The following PTGR2 variants were observed in gnomAD, a reference collection of about 807,000 sequenced individuals.
The protein encoded by PTGR2 is prostaglandin reductase 2, also known as 15-oxoprostaglandin 13-reductase.
PTGR2 carries 32 observed loss-of-function variants against 43.4 expected under a neutral mutation model. The observed-to-expected ratio is 0.74, with a 90% CI of 0.56 to 0.99. PTGR2 has a LOEUF of 0.99. Ranked by LOEUF, PTGR2 falls within the 50% of genes least tolerant of loss-of-function variation. PTGR2 has a pLI of 0.00. For synonymous variants in PTGR2, 106 were observed against 139.2 expected, an observed-to-expected ratio of 0.76 and a Z score of 1.68; for missense variants, 373 against 420.0, an observed-to-expected ratio of 0.89 and a Z score of 0.98.
Position 73,879,136 on chromosome 14 carries a change from G to A in PTGR2, c.560G>A (p.Cys187Tyr). Residue 187 changes from cysteine to tyrosine, a missense_variant, in exon 6 of 10, where the codon TGT becomes TAT. Transcript: ENST00000555661. ...FLGCSRVVGI[C>Y]GTHEKCILLT... The stretch of plus-strand genomic sequence containing the variant: ...GGTTGTTCCAGAGTGGTGGGAATTT[G>A]TGGAACACATGAGAAATGCATCCTC... 1 of 1,614,100 alleles carries A rather than the reference G, an allele frequency of 6.2e-7. No individual in the cohort carries two copies. Among genetic ancestry groups the A allele is most frequent in the Non-Finnish European group, 8.5e-7 (1 of 1,180,018 alleles).
At chr14:73,868,739 C>T (rs1349388366) in intron 3 of PTGR2, among the ~76,000 whole-genome samples, 1 of 151,832 alleles carries the variant, frequency 6.6e-6, no homozygotes, top group African/African-American at 2.4e-5. Flanking sequence ...AGGTTACCTA[C>T]CCTGCCTTGC....
chr14:73,879,808 T>C (rs754757773), intron 6 of PTGR2: 20 of 444,038 alleles, frequency 4.5e-5, no homozygotes, highest in Admixed American at 7.1e-5. Flanking sequence ...CTACCACTAA[T>C]AAGTAGCAAC....
chr14:73,861,274 G>GTA (rs2054483346), intron 3 of PTGR2: 1 of 152,308 alleles, frequency 6.6e-6, no homozygotes, highest in African/African-American at 2.4e-5. Context: ...TAGTGAAAAC[G>GTA]TATACATTGC....
chr14:73,858,821 T>C lies in PTGR2; in HGVS notation c.-42T>C. 1 of 1,575,082 alleles carries C rather than the reference T, an allele frequency of 6.3e-7. No individual in the cohort carries two copies. Among genetic ancestry groups the C allele is most frequent in the Non-Finnish European group, 8.7e-7 (1 of 1,151,936 alleles). On this transcript the variant is annotated 5_prime_UTR_variant, in exon 2 of 10. Coordinates refer to ENST00000555661, the MANE Select transcript of PTGR2 (RefSeq NM_001146154.2). Reference sequence around the variant, plus strand: ...AAAAATTTTTTTATTTATAGGAGTATTTTATACAGAAATCTTGTGAAACCA... The same window carrying C: ...AAAAATTTTTTTATTTATAGGAGTACTTTATACAGAAATCTTGTGAAACCA...
At chr14:73,858,730 A>C (rs1241177100) in intron 1 of PTGR2, 86 bp from the exon 2 acceptor site, 1 of 573,476 alleles carries the variant, frequency 1.7e-6, no homozygotes, top group African/African-American at 1.9e-5. Context: ...CTCCCTCTTC[A>C]TTGGGAAACA....
rs1427032624 is a variant in PTGR2, at chr14:73,877,171, A to G, written c.519+3A>G. 1 of 1,595,684 alleles carries G rather than the reference A, an allele frequency of 6.3e-7. No homozygotes were observed. Among genetic ancestry groups the G allele is most frequent in the Non-Finnish European group, 8.5e-7 (1 of 1,173,592 alleles). ...CCTGTGGATCTGTGGCTGGGCAGGT[A>G]AACTTTCTGAGAATTATTTGATTTT... On this transcript the variant is annotated splice_donor_region_variant and intron_variant, in intron 5 of 9. Transcript: ENST00000555661.
intron 3 of PTGR2, among the ~76,000 whole-genome samples, chr14:73,870,323 T>C (rs1278287684): frequency 6.6e-6 from 1 of 151,298 alleles, no homozygotes; most frequent in Non-Finnish European, 1.5e-5. Context: ...GGATTACAGA[T>C]GCCTGCCACC....
chr14:73,883,433 A>G (rs2055050019), intron 9 of PTGR2, among the ~76,000 whole-genome samples: 1 of 149,828 alleles, frequency 6.7e-6, no homozygotes, highest in Non-Finnish European at 1.5e-5. Context: ...GCCTCAAATG[A>G]TCCTTCTGCC....
chr14:73,854,484 G>C (rs1438716386), intron 1 of PTGR2, among the ~76,000 whole-genome samples: 3 of 152,112 alleles, frequency 2.0e-5, no homozygotes, highest in Non-Finnish European at 4.4e-5. Context: ...TGTAGTATTT[G>C]ACACTTGAAA....
intron 1 of PTGR2, among the ~76,000 whole-genome samples, chr14:73,854,895 C>CAA (rs1439237473): frequency 2.0e-5 from 3 of 152,180 alleles, no homozygotes; most frequent in African/African-American, 7.2e-5. Flanking sequence ...CTGAAGTAAT[C>CAA]AAGCCTCTAG....
At position 73,881,307 on chromosome 14, in the gene PTGR2, CTT is replaced by C; in HGVS notation, c.939+17_939+18del. 1 of 1,453,460 alleles carries C rather than the reference CTT, an allele frequency of 6.9e-7. No individual in the cohort carries two copies. Among genetic ancestry groups the C allele is most frequent in the Non-Finnish European group, 9.7e-7 (1 of 1,035,946 alleles). The allele number at this position is 1,453,460 out of a possible 1,614,324, so 90.0% of individuals were successfully genotyped here. A position where few individuals can be genotyped will look rare whatever the true frequency, so the allele number is the denominator to read the frequency against. On this transcript the variant is annotated intron_variant, in intron 8 of 9. Coordinates refer to ENST00000555661, the MANE Select transcript of PTGR2 (RefSeq NM_001146154.2). ...GAAAGCTAAAGGTAGAACTTCTATT[CTT>C]TATCAATATAATTCTTCCTGCTACT...
chr14:73,882,722 G>A (rs1307479150), intron 9 of PTGR2, among the ~76,000 whole-genome samples: 1 of 147,212 alleles, frequency 6.8e-6, no homozygotes, highest in African/African-American at 2.5e-5. Flanking sequence ...GGATGGTATC[G>A]ATCTCCTGAC....
chr14:73,877,276 A>ATT, intron 5 of PTGR2, 108 bp downstream of exon 5: 2 of 1,078,144 alleles, frequency 1.9e-6, no homozygotes, highest in East Asian at 2.8e-5. Flanking sequence ...AATTGGATAA[A>ATT]TTTTTTTTTT....
chr14:73,867,020 C>T (rs900158826), intron 3 of PTGR2, among the ~76,000 whole-genome samples: 13 of 137,056 alleles, frequency 9.5e-5, no homozygotes, highest in Non-Finnish European at 1.7e-4. Context: ...ACCCGGGAGG[C>T]GGAGATTGCA....
rs748344130 is a variant in PTGR2 at position 73,874,131 on chromosome 14, A to C, written c.265A>C (p.Asn89His). Residue 89 changes from asparagine to histidine, a missense_variant, in exon 4 of 10, where the codon AAT (asparagine) becomes CAT (histidine). Physicochemically the swap from Asn to His is moderately conservative, Grantham distance 68. Transcript: ENST00000555661. ...AATTATAGAAGAAAGCAAACACACA[A>C]ATTTGACTAAAGGCGATTTTGTGAC... ...IGIIEESKHTNLTKGDFVTSF... is the reference protein window; with the variant it reads ...IGIIEESKHTHLTKGDFVTSF... 1.4e-5 allele frequency: 23 copies of C among 1,613,908 alleles called. No individual in the cohort carries two copies. In the East Asian group the frequency reaches 4.5e-4, roughly 31 times the overall value.
chr14:73,869,446 C>T (rs543328922), intron 3 of PTGR2, among the ~76,000 whole-genome samples: 9 of 150,866 alleles, frequency 6.0e-5, no homozygotes, highest in African/African-American at 1.9e-4. Flanking sequence ...CACTTGAGCC[C>T]GGGAGGTGGG....
intron 3 of PTGR2, among the ~76,000 whole-genome samples, chr14:73,870,251 T>G (rs1014671518): frequency 6.7e-6 from 1 of 150,018 alleles, no homozygotes; most frequent in Non-Finnish European, 1.5e-5. Flanking sequence ...CAATCTTGGC[T>G]TACTGCCACC....
chr14:73,866,156 C>T (rs963548078), intron 3 of PTGR2, among the ~76,000 whole-genome samples: 2 of 152,140 alleles, frequency 1.3e-5, no homozygotes, highest in African/African-American at 4.8e-5. Context: ...CACCCACCAC[C>T]ACACCTGGCT....
chr14:73,859,902 G>T (rs550090420), intron 2 of PTGR2, among the ~76,000 whole-genome samples: 6 of 147,414 alleles, frequency 4.1e-5, no homozygotes, highest in African/African-American at 1.5e-4. Context: ...GCTCTGTCAT[G>T]CAGTGGCACA....
Sources: allele counts gnomAD v4.1 joint callset (sites outside exome capture counted in the v4.1 genomes callset), GRCh38; gene constraint gnomAD v4.1.1; transcripts MANE v1.5; gene names NCBI Gene and HGNC (gene_info 2026-07-23, HGNC 2026-07-21).